UGT8: variants seen among roughly 807,000 people sequenced by gnomAD.
UGT8 encodes the protein 2-hydroxyacylsphingosine 1-beta-galactosyltransferase.
In UGT8, 12 loss-of-function variants were observed where a neutral mutation model predicts 40.5. That is an observed-to-expected ratio of 0.30 (90% CI 0.19 to 0.48). UGT8 has a LOEUF of 0.48. Ranked by LOEUF, UGT8 falls within the 20% of genes least tolerant of loss-of-function variation. The pLI is 0.99. For synonymous variants in UGT8, 224 were observed against 240.4 expected (o/e 0.93, Z 0.63); for missense variants, 513 against 648.7 (o/e 0.79, Z 2.27).
chr4:114,665,283 G>A, intron 3 of UGT8: 2 of 596,632 alleles, frequency 3.4e-6, no homozygotes, highest in Non-Finnish European at 4.2e-6. Context: ...AAGGATTTAG[G>A]GATATTGACT....
At chr4:114,610,946 A>T (rs1035602711) in intron 1 of UGT8, among the ~76,000 whole-genome samples, 3 of 152,170 alleles carry the variant, frequency 2.0e-5, no homozygotes, top group Non-Finnish European at 4.4e-5. Flanking sequence ...GTGATTCTAC[A>T]ACATTACTGT....
chr4:114,598,703 T>G (rs1730242600), upstream of UGT8: 1 of 111,290 alleles, frequency 9.0e-6, no homozygotes, highest in Non-Finnish European at 2.1e-5. Context: ...GGGGCGCGGC[T>G]GGGGGGCGGG....
intron 2 of UGT8, among the ~76,000 whole-genome samples, chr4:114,641,918 G>A (rs1396321157): frequency 2.6e-5 from 4 of 152,052 alleles, no homozygotes; most frequent in Admixed American, 6.6e-5. Flanking sequence ...TAAAATCAAC[G>A]TGACTGATAG....
At chr4:114,634,339 A>G (rs894297749) in intron 2 of UGT8, among the ~76,000 whole-genome samples, 9 of 152,192 alleles carry the variant, frequency 5.9e-5, no homozygotes, top group Non-Finnish European at 1.3e-4. Context: ...GTTGATAGGA[A>G]AGGTCAATGC....
At chr4:114,611,436 A>G (rs1164831673) in intron 1 of UGT8, among the ~76,000 whole-genome samples, 1 of 125,540 alleles carries the variant, frequency 8.0e-6, no homozygotes, top group South Asian at 2.2e-4. Flanking sequence ...ATATATATAT[A>G]TATATATATA....
chr4:114,672,768 A>G (rs1360372352), intron 5 of UGT8, among the ~76,000 whole-genome samples: 3 of 152,196 alleles, frequency 2.0e-5, no homozygotes, highest in Non-Finnish European at 2.9e-5. Flanking sequence ...CATTCTGCAC[A>G]TGTATTCCAT....
chr4:114,673,428 C>G (rs1477756457), intron 5 of UGT8, among the ~76,000 whole-genome samples: 1 of 152,150 alleles, frequency 6.6e-6, no homozygotes, highest in African/African-American at 2.4e-5. Flanking sequence ...AAGTCTACTC[C>G]TAGGTGGGAC....
At chr4:114,611,788 T>G (rs1731108786) in intron 1 of UGT8, among the ~76,000 whole-genome samples, 1 of 152,004 alleles carries the variant, frequency 6.6e-6, no homozygotes, top group Non-Finnish European at 1.5e-5. Flanking sequence ...AAAGGAAAAT[T>G]GCATTTTTTA....
intron 4 of UGT8, among the ~76,000 whole-genome samples, chr4:114,667,228 T>A (rs1368308690): frequency 6.6e-6 from 1 of 152,134 alleles, no homozygotes. Context: ...ACATATTAAT[T>A]TTGTACCTGG....
intron 1 of UGT8, among the ~76,000 whole-genome samples, chr4:114,616,365 G>GA (rs1396002424): frequency 1.3e-5 from 2 of 152,166 alleles, no homozygotes; most frequent in Admixed American, 6.5e-5. Context: ...TGCTAGCAAT[G>GA]AGTGAGGCTC....
intron 2 of UGT8, among the ~76,000 whole-genome samples, chr4:114,651,642 C>T (rs962691298): frequency 6.6e-6 from 1 of 152,106 alleles, no homozygotes; most frequent in Non-Finnish European, 1.5e-5. Flanking sequence ...CTGTCATTCT[C>T]TGACACCCAG....
chr4:114,649,810 T>TA (rs1733794302), intron 2 of UGT8, among the ~76,000 whole-genome samples: 6 of 150,962 alleles, frequency 4.0e-5, no homozygotes, highest in African/African-American at 7.4e-5. Context: ...TTTTCTTATT[T>TA]TAAAAAAAAA....
chr4:114,640,033 G>GTTT (rs5861187), intron 2 of UGT8, among the ~76,000 whole-genome samples: 17 of 139,218 alleles, frequency 1.2e-4, no homozygotes, highest in Non-Finnish European at 1.8e-4. Flanking sequence ...ATGTTTGTTT[G>GTTT]TTTTTTTTTT....
At chr4:114,624,629 A>G (rs573867465) in intron 2 of UGT8, among the ~76,000 whole-genome samples, 4 of 152,318 alleles carry the variant, frequency 2.6e-5, no homozygotes, top group East Asian at 1.9e-4. Context: ...TAAAAATTCT[A>G]TCAGGGCCTT....
At chr4:114,619,379 T>A (rs901614202) in intron 1 of UGT8, 3 of 152,118 alleles carry the variant, frequency 2.0e-5, no homozygotes, top group Middle Eastern at 3.2e-3. Context: ...TGAAGTATTT[T>A]TTCATCATAT....
intron 2 of UGT8, among the ~76,000 whole-genome samples, chr4:114,638,834 T>G (rs535290395): frequency 1.3e-5 from 2 of 152,230 alleles, no homozygotes; most frequent in Non-Finnish European, 2.9e-5. Flanking sequence ...CAGGCCTGAC[T>G]GGTATTTTTA....
intron 2 of UGT8, among the ~76,000 whole-genome samples, chr4:114,625,443 C>T (rs1223138575): frequency 2.2e-5 from 3 of 138,386 alleles, no homozygotes; most frequent in Non-Finnish European, 4.6e-5. Flanking sequence ...TTCAGGAGGT[C>T]GAGGCCGCAG....
At chr4:114,634,205 T>C (rs1732750873) in intron 2 of UGT8, among the ~76,000 whole-genome samples, 1 of 152,028 alleles carries the variant, frequency 6.6e-6, no homozygotes, top group South Asian at 2.1e-4. Flanking sequence ...TGCGAAAGAG[T>C]AAGGGATGAA....
At chr4:114,666,265 C>T (rs920713651) in intron 4 of UGT8, among the ~76,000 whole-genome samples, 3 of 152,072 alleles carry the variant, frequency 2.0e-5, no homozygotes, top group East Asian at 1.9e-4. Flanking sequence ...ATTATCTGCT[C>T]TGTTTAGTCC....
Sources: allele counts gnomAD v4.1 joint callset (sites outside exome capture counted in the v4.1 genomes callset), GRCh38; gene constraint gnomAD v4.1.1; transcripts MANE v1.5; gene names NCBI Gene and HGNC (gene_info 2026-07-23, HGNC 2026-07-21).